Variants in CHEK1 observed in about 807,000 individuals in gnomAD.
CHEK1 encodes serine/threonine-protein kinase Chk1.
Under a neutral mutation model 60.2 loss-of-function variants are expected in CHEK1, and 32 were observed. The ratio of observed to expected loss-of-function variants is 0.53; its 90% CI spans 0.40 to 0.71. CHEK1 has a LOEUF of 0.71. Ranked by LOEUF, CHEK1 falls within the 30% of genes least tolerant of loss-of-function variation. CHEK1 has a pLI of 0.00. For missense variants in CHEK1, 399 were observed against 564.6 expected (o/e 0.71, Z 2.97); for synonymous variants, 179 against 187.2 (o/e 0.96, Z 0.36).
intron 8 of CHEK1, among the ~76,000 whole-genome samples, chr11:125,638,623 G>A (rs1278354038): frequency 1.3e-5 from 2 of 152,100 alleles, no homozygotes; most frequent in East Asian, 3.9e-4. Flanking sequence ...GAAGCGGTAG[G>A]TGTTTTCTTT....
chr11:125,666,160 T>C (rs745562629), intron 13 of CHEK1, among the ~76,000 whole-genome samples: 3 of 151,836 alleles, frequency 2.0e-5, no homozygotes, highest in Non-Finnish European at 4.4e-5. Context: ...TAGCACTATT[T>C]TTGCTGGATC....
chr11:125,662,608 C>T (rs1036154487), intron 13 of CHEK1, among the ~76,000 whole-genome samples: 7 of 152,212 alleles, frequency 4.6e-5, no homozygotes, highest in Admixed American at 1.3e-4. Context: ...GTGGTATCCA[C>T]GGTATTGTTT....
intron 5 of CHEK1, among the ~76,000 whole-genome samples, chr11:125,631,929 A>G (rs1192231088): frequency 6.6e-6 from 1 of 151,768 alleles, no homozygotes; most frequent in Non-Finnish European, 1.5e-5. Context: ...GATAGAGGTA[A>G]ACATTTCATT....
chr11:125,630,164 A>C (rs1359991248), intron 5 of CHEK1, among the ~76,000 whole-genome samples: 1 of 152,176 alleles, frequency 6.6e-6, no homozygotes, highest in Non-Finnish European at 1.5e-5. Context: ...ATATTTTCTG[A>C]ATGTCATCAA....
At chr11:125,658,297 T>C (rs1286077024), downstream of CHEK1, among the ~76,000 whole-genome samples, 1 of 152,184 alleles carries the variant, frequency 6.6e-6, no homozygotes, top group Non-Finnish European at 1.5e-5. Context: ...TAGTCTGTTT[T>C]AACAAGTTGT....
intron 13 of CHEK1, among the ~76,000 whole-genome samples, chr11:125,675,699 T>G (rs1942469422): frequency 6.6e-6 from 1 of 152,176 alleles, no homozygotes; most frequent in South Asian, 2.1e-4. Flanking sequence ...ACTAAATGCC[T>G]ACCATATGCT....
chr11:125,640,104 C>G (rs1177821540), intron 8 of CHEK1, among the ~76,000 whole-genome samples: 1 of 152,202 alleles, frequency 6.6e-6, no homozygotes, highest in Non-Finnish European at 1.5e-5. Context: ...CACCTCAAAA[C>G]TAGTTTTCAA....
intron 13 of CHEK1, among the ~76,000 whole-genome samples, chr11:125,668,334 A>T (rs749102662): frequency 6.6e-6 from 1 of 152,098 alleles, no homozygotes; most frequent in African/African-American, 2.4e-5. Context: ...ATTTTGTATA[A>T]TTTCCCTAAA....
chr11:125,648,318 C>A (rs191174357), intron 11 of CHEK1, among the ~76,000 whole-genome samples: 397 of 152,134 alleles, frequency 2.6e-3, no homozygotes, highest in Non-Finnish European at 4.0e-3. Flanking sequence ...CGTGGTGGCT[C>A]ACGCCTGTAA....
chr11:125,665,671 G>A (rs1159815824), intron 13 of CHEK1, among the ~76,000 whole-genome samples: 2 of 151,940 alleles, frequency 1.3e-5, no homozygotes, highest in Non-Finnish European at 2.9e-5. Context: ...TTATTGATAT[G>A]TTCAGGTTTT....
At chr11:125,666,880 C>T (rs989453273) in intron 13 of CHEK1, among the ~76,000 whole-genome samples, 11 of 150,996 alleles carry the variant, frequency 7.3e-5, no homozygotes, top group South Asian at 6.3e-4. Flanking sequence ...TATGTATCTT[C>T]GTAAAGTGAG....
intron 12 of CHEK1, 84 bp from the exon 13 acceptor site, chr11:125,655,141 C>T: frequency 1.0e-6 from 1 of 970,306 alleles, no homozygotes; most frequent in Non-Finnish European, 1.6e-6. Context: ...TCTCTTGTTA[C>T]CACTACAAAG....
chr11:125,626,819 A>T lies in CHEK1; in HGVS notation c.51A>T (p.Glu17Asp). 6.2e-7 allele frequency: 1 copy of T among 1,614,104 alleles called. No homozygotes were observed. The highest frequency in any genetic ancestry group is 8.5e-7 in the Non-Finnish European group (1 of 1,180,024). ...EDWDLVQTLG[E>D]GAYGEVQLAV... ...GGGACTTGGTGCAAACCCTGGGAGA[A>T]GGTGCCTATGGAGAGTGAGTTCTTT... Residue 17 changes from glutamate (E) to aspartate (D), a missense_variant, in exon 2 of 13, where the codon GAA becomes GAT. Around this residue, in one of 2 missense-constraint regions of CHEK1, gnomAD observed 370 missense variants for 494.8 expected, o/e 0.75. Transcript: ENST00000438015.
chr11:125,644,063 T>G (rs2136027600), intron 9 of CHEK1, 28 bp from the exon 10 acceptor site: 2 of 1,598,274 alleles, frequency 1.3e-6, no homozygotes, highest in South Asian at 2.3e-5. Context: ...TTATTAAATG[T>G]ATGTTTCTTT....
At position 125,627,666 on chromosome 11, in the gene CHEK1, T is replaced by C. The variant is rs1940677066; in HGVS notation, c.125T>C (p.Met42Thr). 4 of 1,613,862 alleles carry C rather than the reference T, an allele frequency of 2.5e-6. No individual in the cohort carries two copies. The highest frequency in any genetic ancestry group is 2.2e-5 in the East Asian group (1 of 44,848). ...EEAVAVKIVD[M>T]KRAVDCPENI... Reference sequence around the variant, plus strand: ...GCAGTCGCAGTGAAGATTGTAGATATGAAGCGTGCCGTAGACTGTCCAGAA... The same window carrying C: ...GCAGTCGCAGTGAAGATTGTAGATACGAAGCGTGCCGTAGACTGTCCAGAA... Residue 42 changes from methionine (M) to threonine (T), a missense_variant, in exon 3 of 13, where the codon ATG becomes ACG. Physicochemically the swap from Met to Thr is moderately conservative, Grantham distance 81. Around this residue, in one of 2 missense-constraint regions of CHEK1, gnomAD observed 370 missense variants for 494.8 expected, o/e 0.75. Transcript: ENST00000438015.
At chr11:125,626,545 G>A in intron 1 of CHEK1, 1 of 569,528 alleles carries the variant, frequency 1.8e-6, no homozygotes, top group South Asian at 2.3e-5. Context: ...GTGTGCTTGG[G>A]AGTGGCGATT....
At chr11:125,677,765 C>A, downstream of CHEK1, 1 of 1,607,270 alleles carries the variant, frequency 6.2e-7, no homozygotes. Context: ...CACCTGAAGT[C>A]AATGACTGGC....
chr11:125,680,815 C>G, downstream of CHEK1: 2 of 1,576,804 alleles, frequency 1.3e-6, no homozygotes, highest in Non-Finnish European at 1.7e-6. Flanking sequence ...CCAGTGTGGG[C>G]CACAGCTTCT....
chr11:125,678,619 C>T (rs913155181), downstream of CHEK1, among the ~76,000 whole-genome samples: 3 of 152,198 alleles, frequency 2.0e-5, no homozygotes, highest in Middle Eastern at 3.4e-3. Flanking sequence ...ATGTGCCTCC[C>T]TGACAAAGTC....
Sources: gnomAD v4.1 joint callset for allele counts (sites outside exome capture counted in the v4.1 genomes callset) on GRCh38, gnomAD v4.1.1 for gene constraint, gnomAD v4.1.1 regional missense constraint, MANE v1.5 for transcripts, NCBI Gene and HGNC (gene_info 2026-07-23, HGNC 2026-07-21) for gene names.